Variants in TMEM108 observed in about 807,000 individuals in gnomAD.
TMEM108 encodes cancer/testis antigen 124.
Under a neutral mutation model 35.1 loss-of-function variants are expected in TMEM108, and 12 were observed. The observed-to-expected ratio is 0.34, with a 90% CI of 0.22 to 0.55. The LOEUF (loss-of-function observed/expected upper bound fraction) is 0.55. TMEM108 is among the 20% of genes least tolerant of loss of function. The probability of loss-of-function intolerance (pLI) is 0.89; values close to 1 mark genes in which losing one functional copy is unlikely to be tolerated. For missense variants in TMEM108, 680 were observed against 753.3 expected (o/e 0.90, Z 1.14); for synonymous variants, 287 against 308.6 (o/e 0.93, Z 0.73).
intron 2 of TMEM108, among the ~76,000 whole-genome samples, chr3:133,112,368 T>G (rs560585389): frequency 6.6e-6 from 1 of 152,206 alleles, no homozygotes; most frequent in African/African-American, 2.4e-5. Context: ...CCTTCACTCA[T>G]GTTTTGTGAG....
At chr3:133,388,365 G>A (rs2073185738) in intron 4 of TMEM108, 2 of 954,332 alleles carry the variant, frequency 2.1e-6, no homozygotes. Context: ...AGCACTTTAG[G>A]CCACAGTTTT....
chr3:133,192,885 G>C (rs909663526), intron 2 of TMEM108: 1 of 151,400 alleles, frequency 6.6e-6, no homozygotes, highest in Admixed American at 6.6e-5. Flanking sequence ...GGCCTATATG[G>C]ATTCCTGAAA....
At chr3:133,305,519 T>TAAAC (rs541043508) in intron 3 of TMEM108, among the ~76,000 whole-genome samples, 1 of 150,724 alleles carries the variant, frequency 6.6e-6, no homozygotes, top group Non-Finnish European at 1.5e-5. Flanking sequence ...TATAATAAAA[T>TAAAC]AAATAAATAA....
intron 2 of TMEM108, among the ~76,000 whole-genome samples, chr3:133,094,858 T>G (rs1173130322): frequency 6.6e-6 from 1 of 152,246 alleles, no homozygotes; most frequent in Non-Finnish European, 1.5e-5. Context: ...CTTCCTCTTT[T>G]GTGGATACAA....
At chr3:133,277,867 G>A (rs1158971918) in intron 3 of TMEM108, among the ~76,000 whole-genome samples, 1 of 152,174 alleles carries the variant, frequency 6.6e-6, no homozygotes, top group Non-Finnish European at 1.5e-5. Context: ...TCAGGTGCAA[G>A]GAGCAGCAAT....
intron 3 of TMEM108, among the ~76,000 whole-genome samples, chr3:133,235,942 G>T (rs948362188): frequency 6.6e-6 from 1 of 152,148 alleles, no homozygotes; most frequent in Non-Finnish European, 1.5e-5. Context: ...TGCCACTGCT[G>T]AGGAGGGTCT....
At chr3:133,137,984 A>G (rs1944588665) in intron 2 of TMEM108, among the ~76,000 whole-genome samples, 1 of 152,238 alleles carries the variant, frequency 6.6e-6, no homozygotes, top group Non-Finnish European at 1.5e-5. Flanking sequence ...GCTTGAGAAC[A>G]TGAATGGATA....
intron 2 of TMEM108, among the ~76,000 whole-genome samples, chr3:133,063,220 C>T (rs78872789): frequency 0.028 from 4,210 of 152,138 alleles, 103 homozygotes; most frequent in South Asian, 0.061. Flanking sequence ...TTGGAATGAT[C>T]ATCTCTGTGG....
At chr3:133,388,290 CA>C in intron 4 of TMEM108, 1 of 984,664 alleles carries the variant, frequency 1.0e-6, no homozygotes, top group Non-Finnish European at 1.2e-6. Flanking sequence ...GAGAAGGGGA[CA>C]GGGGACCCGG....
intron 3 of TMEM108, among the ~76,000 whole-genome samples, chr3:133,260,287 TAA>T (rs10575513): frequency 0.61 from 90,834 of 149,476 alleles, 27,419 homozygotes; most frequent in South Asian, 0.65. Context: ...TAGACAATAG[TAA>T]AAAAAAAAAA....
At chr3:133,082,294 C>T (rs1037170549) in intron 2 of TMEM108, among the ~76,000 whole-genome samples, 7 of 152,286 alleles carry the variant, frequency 4.6e-5, no homozygotes, top group East Asian at 1.9e-4. Flanking sequence ...TAACTGCCAG[C>T]GGCACTGAAT....
intron 3 of TMEM108, among the ~76,000 whole-genome samples, chr3:133,328,666 A>T (rs897923538): frequency 3.9e-5 from 6 of 152,198 alleles, no homozygotes; most frequent in African/African-American, 7.2e-5. Flanking sequence ...TCCTAACCTC[A>T]TCCCACCCTC....
chr3:133,181,703 G>C (rs1171797116), intron 2 of TMEM108, among the ~76,000 whole-genome samples: 5 of 152,082 alleles, frequency 3.3e-5, no homozygotes, highest in Non-Finnish European at 5.9e-5. Flanking sequence ...TTTAGCAGAC[G>C]AGATTCAGAA....
intron 3 of TMEM108, among the ~76,000 whole-genome samples, chr3:133,279,990 T>C (rs1946890460): frequency 6.6e-6 from 1 of 151,986 alleles, no homozygotes; most frequent in South Asian, 2.1e-4. Context: ...GTAGATTATA[T>C]TAAATTTTGA....
At chr3:133,337,509 T>G (rs1196107199) in intron 3 of TMEM108, among the ~76,000 whole-genome samples, 1 of 152,196 alleles carries the variant, frequency 6.6e-6, no homozygotes, top group African/African-American at 2.4e-5. Flanking sequence ...AGGTGTCCCC[T>G]AACGCAGATA....
At chr3:133,357,685 C>T (rs2072215665) in intron 3 of TMEM108, among the ~76,000 whole-genome samples, 1 of 152,086 alleles carries the variant, frequency 6.6e-6, no homozygotes, top group Non-Finnish European at 1.5e-5. Context: ...AATGCAAAAC[C>T]AAATACTGTA....
At chr3:133,245,113 G>T (rs1467977190) in intron 3 of TMEM108, among the ~76,000 whole-genome samples, 2 of 152,166 alleles carry the variant, frequency 1.3e-5, no homozygotes, top group African/African-American at 4.8e-5. Flanking sequence ...AGTCACAAAA[G>T]TCTATGCCGT....
At chr3:133,374,858 T>C (rs897880346) in intron 3 of TMEM108, among the ~76,000 whole-genome samples, 1 of 152,124 alleles carries the variant, frequency 6.6e-6, no homozygotes, top group African/African-American at 2.4e-5. Flanking sequence ...TCTCCAAAGA[T>C]GTGAATCATT....
At chr3:133,078,187 GTA>G (rs1943767799) in intron 2 of TMEM108, among the ~76,000 whole-genome samples, 19 of 121,426 alleles carry the variant, frequency 1.6e-4, no homozygotes, top group African/African-American at 3.4e-4. Flanking sequence ...ACGTGTGTGT[GTA>G]TATCTCAGAT....
Sources: gnomAD v4.1 joint callset for allele counts (sites outside exome capture counted in the v4.1 genomes callset) on GRCh38, gnomAD v4.1.1 for gene constraint, MANE v1.5 for transcripts, NCBI Gene and HGNC (gene_info 2026-07-23, HGNC 2026-07-21) for gene names.